Variants in DNAH7 observed in about 807,000 individuals in gnomAD.
DNAH7 encodes the protein dynein axonemal heavy chain 7.
DNAH7 carries 397 observed loss-of-function variants against 444.6 expected under a neutral mutation model. That is an observed-to-expected ratio of 0.89 (90% confidence interval 0.82 to 0.97). DNAH7 has a LOEUF of 0.97. Among genes scored for constraint, DNAH7 ranks in the 50% least tolerant of loss-of-function variants. DNAH7 has a pLI of 0.00. For synonymous variants in DNAH7, 1,636 were observed against 1,624.4 expected (o/e 1.01, Z -0.17); for missense variants, 4,902 against 4,800.8 (o/e 1.02, Z -0.62).
chr2:195,818,855 C>T (rs944589608), intron 49 of DNAH7, among the ~76,000 whole-genome samples: 21 of 151,974 alleles, frequency 1.4e-4, no homozygotes, highest in African/African-American at 5.1e-4. Flanking sequence ...GACCTAATGT[C>T]TTGAATCACA....
At chr2:196,046,374 A>C (rs1697125261) in intron 5 of DNAH7, among the ~76,000 whole-genome samples, 1 of 152,112 alleles carries the variant, frequency 6.6e-6, no homozygotes, top group South Asian at 2.1e-4. Flanking sequence ...TAAAAATAAC[A>C]GGCACAGGAA....
At chr2:195,806,667 A>G (rs1696726909) in intron 54 of DNAH7, 73 bp downstream of exon 54, 1 of 1,283,548 alleles carries the variant, frequency 7.8e-7, no homozygotes, top group East Asian at 2.4e-5. Flanking sequence ...TACATAAGGA[A>G]ACGCACATTT....
intron 19 of DNAH7, among the ~76,000 whole-genome samples, chr2:195,941,505 A>G (rs1466701133): frequency 1.3e-5 from 2 of 151,838 alleles, no homozygotes; most frequent in African/African-American, 4.8e-5. Context: ...GCAAACCACC[A>G]TGACATATGT....
chr2:195,857,345 T>C (rs1699770549), intron 44 of DNAH7, 32 bp downstream of exon 44: 1 of 1,503,342 alleles, frequency 6.7e-7, no homozygotes. Context: ...AGACAGACCA[T>C]ACCAGCTGGA....
Position 195,864,192 on chromosome 2 carries a change from T to C in DNAH7, c.7463A>G (p.Lys2488Arg). Residue 2488 changes from lysine to arginine, a missense_variant, in exon 41 of 65, where the codon AAG becomes AGG. Physicochemically the swap from Lys to Arg is conservative, Grantham distance 26. Transcript: ENST00000312428. Reference protein sequence around the residue: ...IGDAFRNRLRKFPALVNCCTI... With the variant: ...IGDAFRNRLRRFPALVNCCTI... Reference sequence around the variant, plus strand: ...ACAGCAGTTAACAAGAGCAGGGAACTTTCTAAGACGATTCCGAAATGCATC... The same window carrying C: ...ACAGCAGTTAACAAGAGCAGGGAACCTTCTAAGACGATTCCGAAATGCATC... 6.2e-7 allele frequency: 1 copy of C among 1,614,150 alleles called. No individual in the cohort carries two copies. Among genetic ancestry groups the C allele is most frequent in the Non-Finnish European group, 8.5e-7 (1 of 1,180,006 alleles).
At chr2:195,925,882 C>A (rs546625750) in intron 22 of DNAH7, among the ~76,000 whole-genome samples, 1 of 151,952 alleles carries the variant, frequency 6.6e-6, no homozygotes, top group Non-Finnish European at 1.5e-5. Flanking sequence ...TTTTCATTAA[C>A]AATTACAATC....
intron 58 of DNAH7, among the ~76,000 whole-genome samples, chr2:195,780,339 G>A (rs1173329858): frequency 6.6e-6 from 1 of 151,756 alleles, no homozygotes; most frequent in Non-Finnish European, 1.5e-5. Flanking sequence ...TTATTCAAAA[G>A]CTCTTTGTAA....
chr2:195,897,899 T>C (rs991284581), intron 28 of DNAH7, 134 bp from the exon 29 acceptor site: 7 of 477,230 alleles, frequency 1.5e-5, no homozygotes, highest in Middle Eastern at 2.9e-4. Context: ...TTTCTTTATA[T>C]TGGATTGTTA....
In DNAH7 at chr2:196,026,986, T is replaced by C. The variant is rs746446592; in HGVS notation, c.487-46A>G. On this transcript the variant is annotated intron_variant, in intron 6 of 64. Transcript: ENST00000312428. ...AAATGTAGATGTTTAACAAAAGAAGTATGTTTATCAAAAATAAAACTACCA... is the reference window on the plus strand; with the variant it reads ...AAATGTAGATGTTTAACAAAAGAAGCATGTTTATCAAAAATAAAACTACCA... 3.5e-6 allele frequency: 5 copies of C among 1,427,806 alleles called. No individual in the cohort carries two copies. The Admixed American group carries it at 6.8e-5, about 19-fold the overall frequency. 88.4% of individuals were successfully genotyped at this position (1,427,806 alleles called of 1,614,324 possible).
In DNAH7 at chr2:195,889,573, C is replaced by G. The variant is rs575602358; in HGVS notation, c.5047-592G>C. ...GCTCAAGATCCACCTGCCTTGCCCC[C>G]ACAAAGTGCTGGGATTTATAGGCAT... is the stretch of plus-strand genomic sequence containing the variant. On this transcript the variant is annotated intron_variant, in intron 31 of 64. Transcript: ENST00000312428. Among the ~76,000 whole-genome samples, 3 of 152,280 alleles carry G rather than the reference C, an allele frequency of 2.0e-5. No homozygotes were observed. In the South Asian group the frequency reaches 6.2e-4, roughly 32 times the overall value.
intron 23 of DNAH7, among the ~76,000 whole-genome samples, chr2:195,922,516 A>G (rs1688084242): frequency 6.6e-6 from 1 of 152,204 alleles, no homozygotes; most frequent in African/African-American, 2.4e-5. Flanking sequence ...AGAATAAGTA[A>G]CTTCCCCAAG....
At chr2:196,017,969 G>A (rs55699300) in intron 9 of DNAH7, among the ~76,000 whole-genome samples, 2,376 of 152,140 alleles carry the variant, frequency 0.016, 32 homozygotes, top group Non-Finnish European at 0.023. Context: ...TAATTTCAGA[G>A]TATCGAAGGA....
chr2:195,828,941 ACT>A (rs1417011954), intron 48 of DNAH7, among the ~76,000 whole-genome samples: 2 of 151,964 alleles, frequency 1.3e-5, no homozygotes, highest in Non-Finnish European at 2.9e-5. Context: ...GTGGCTTACT[ACT>A]CTCTTTTCTT....
At chr2:196,056,201 T>C (rs1007305809) in intron 2 of DNAH7, among the ~76,000 whole-genome samples, 1 of 152,054 alleles carries the variant, frequency 6.6e-6, no homozygotes, top group Non-Finnish European at 1.5e-5. Flanking sequence ...TCCCAGCACT[T>C]TGGGAGGCCG....
At chr2:195,844,899 T>C in intron 47 of DNAH7, 103 bp downstream of exon 47, 1 of 997,640 alleles carries the variant, frequency 1.0e-6, no homozygotes, top group Non-Finnish European at 1.4e-6. Flanking sequence ...GTTAAGTAAT[T>C]TTTTAATACT....
chr2:196,067,393 T>G lies in DNAH7; in HGVS notation c.15+1304A>C, dbSNP rs1698484161. Among the ~76,000 whole-genome samples the G allele has an allele frequency of 2.0e-5, 3 of 152,186 alleles. No individual in the cohort carries two copies. The South Asian group carries it at 6.2e-4, about 31-fold the overall frequency. On this transcript the variant is annotated intron_variant, in intron 1 of 64. Coordinates refer to ENST00000312428, the MANE Select transcript of DNAH7 (RefSeq NM_018897.3). ...TTTTTTAAATCTGATTACATTAATA[T>G]CATGTAGAAAAAAACTAGTAAGATC...
chr2:195,858,641 ACT>A lies in DNAH7; in HGVS notation c.7898_7899del (p.Glu2633ValfsTer8), dbSNP rs1421992930. 4.3e-6 allele frequency: 7 copies of A among 1,613,626 alleles called. No homozygotes were observed. Among genetic ancestry groups the A allele is most frequent in the African/African-American group, 4.0e-5 (3 of 74,762 alleles). ...TTTTCAGTTTTGGCAACTTCTACAG[ACT>A]CTTTCTCAATCATTATCATCATTTC... is the stretch of plus-strand genomic sequence containing the variant. ...VDEMMIMIEKESVEVAKTEKI... is the reference protein window; with the variant it reads ...VDEMMIMIEKXSVEVAKTEKI... On this transcript the variant is annotated frameshift_variant, in exon 43 of 65. Coordinates refer to ENST00000312428, the MANE Select transcript of DNAH7 (RefSeq NM_018897.3). LOFTEE classifies it high-confidence loss of function.
intron 40 of DNAH7, among the ~76,000 whole-genome samples, chr2:195,871,189 T>C (rs1396078571): frequency 3.3e-5 from 5 of 152,232 alleles, no homozygotes; most frequent in Admixed American, 6.5e-5. Context: ...ATTCAAACTG[T>C]ATATCTAAAA....
At chr2:196,049,249 A>G (rs1306513599) in intron 3 of DNAH7, among the ~76,000 whole-genome samples, 2 of 152,186 alleles carry the variant, frequency 1.3e-5, no homozygotes, top group Non-Finnish European at 2.9e-5. Flanking sequence ...AACTACCTGT[A>G]CACAAGTCCT....
Sources: allele counts gnomAD v4.1 joint callset (sites outside exome capture counted in the v4.1 genomes callset), GRCh38; gene constraint gnomAD v4.1.1; transcripts MANE v1.5; gene names NCBI Gene and HGNC (gene_info 2026-07-23, HGNC 2026-07-21).